DDX60L: variants seen among roughly 807,000 people sequenced by gnomAD.
DDX60L encodes DExD/H-box 60 like.
DDX60L carries 191 observed loss-of-function variants against 211.6 expected under a neutral mutation model. That is an observed-to-expected ratio of 0.90 (90% CI 0.80 to 1.02). The LOEUF (loss-of-function observed/expected upper bound fraction) is 1.02, where lower values mean the gene tolerates loss of function less well. DDX60L is among the 50% of genes least tolerant of loss of function. DDX60L has a pLI of 0.00. For missense variants in DDX60L, 2,007 were observed against 1,984.1 expected (o/e 1.01, Z -0.22); for synonymous variants, 706 against 694.1 (o/e 1.02, Z -0.27).
At position 168,454,098 on chromosome 4, in the gene DDX60L, C is replaced by T. The variant is rs552643775; in HGVS notation, c.838-816G>A. ...TGGGTGCTATTCACACTCCCACCCACGGCACATCTTCAGCATAACATAAAA... is the reference window on the plus strand; with the variant it reads ...TGGGTGCTATTCACACTCCCACCCATGGCACATCTTCAGCATAACATAAAA... On this transcript the variant is annotated intron_variant, in intron 7 of 37. Coordinates refer to ENST00000682922, the MANE Select transcript of DDX60L (RefSeq NM_001012967.3). Among the ~76,000 whole-genome samples the T allele has an allele frequency of 2.4e-4, 36 of 152,204 alleles. 1 individual carries two copies. The Middle Eastern group carries it at 0.017, about 72-fold the overall frequency.
At chr4:168,455,480 A>G (rs759061901) in intron 7 of DDX60L, among the ~76,000 whole-genome samples, 1 of 152,238 alleles carries the variant, frequency 6.6e-6, no homozygotes, top group Non-Finnish European at 1.5e-5. Flanking sequence ...GAGCAGAATC[A>G]TTACAAGCTG....
chr4:168,474,376 A>G (rs577686698), intron 1 of DDX60L, among the ~76,000 whole-genome samples: 1 of 152,312 alleles, frequency 6.6e-6, no homozygotes, highest in African/African-American at 2.4e-5. Context: ...CGTCAGATAT[A>G]ACATACTGAT....
intron 28 of DDX60L, among the ~76,000 whole-genome samples, chr4:168,392,420 TA>T (rs1175046671): frequency 6.6e-6 from 1 of 152,210 alleles, no homozygotes; most frequent in Non-Finnish European, 1.5e-5. Context: ...AAAGACTTTC[TA>T]ATTGATATTT....
intron 29 of DDX60L, among the ~76,000 whole-genome samples, chr4:168,385,641 GT>G (rs1743734765): frequency 6.6e-6 from 1 of 152,106 alleles, no homozygotes; most frequent in Admixed American, 6.5e-5. Context: ...CTTCAGGTAG[GT>G]AATGTGGAAT....
At position 168,388,882 on chromosome 4, in the gene DDX60L, A is replaced by G. The variant is rs557198011; in HGVS notation, c.3915+2658T>C. Among the ~76,000 whole-genome samples, 7 of 152,332 alleles carry G rather than the reference A, an allele frequency of 4.6e-5. No homozygotes were observed. The South Asian group carries it at 1.5e-3, about 32-fold the overall frequency. On this transcript the variant is annotated intron_variant, in intron 29 of 37. Transcript: ENST00000682922. Reference sequence around the variant, plus strand: ...TGCTGACATGGTGGTGAAGAGGCCCAGGAAAGGATACCAAGAGACTGTGAT... The same window carrying G: ...TGCTGACATGGTGGTGAAGAGGCCCGGGAAAGGATACCAAGAGACTGTGAT...
chr4:168,429,258 C>A (rs951566504), intron 13 of DDX60L, among the ~76,000 whole-genome samples: 1 of 152,144 alleles, frequency 6.6e-6, no homozygotes, highest in Non-Finnish European at 1.5e-5. Context: ...AATTGTCCTA[C>A]CTCAGCCTCC....
intron 36 of DDX60L, among the ~76,000 whole-genome samples, chr4:168,369,488 A>AAAAAAAC (rs1553987224): frequency 1.5e-3 from 216 of 147,012 alleles, no homozygotes; most frequent in Middle Eastern, 7.2e-3. Flanking sequence ...AAAAACAAAA[A>AAAAAAAC]AAAAAAAACA....
chr4:168,412,726 G>C (rs1416351135), intron 22 of DDX60L, among the ~76,000 whole-genome samples: 2 of 152,184 alleles, frequency 1.3e-5, no homozygotes, highest in Admixed American at 1.3e-4. Context: ...GCAATACCTA[G>C]TGCTGTGCTT....
intron 22 of DDX60L, 117 bp from the exon 23 acceptor site, chr4:168,406,823 T>A: frequency 1.4e-6 from 1 of 717,494 alleles, no homozygotes; most frequent in Non-Finnish European, 2.3e-6. Context: ...CCAGGGACAT[T>A]AAAAGGCAAT....
At position 168,396,136 on chromosome 4, in the gene DDX60L, A is replaced by AT; in HGVS notation, c.3492-13_3492-12insA. The stretch of plus-strand genomic sequence containing the variant: ...GGTTTTTTTTAGTGCTACTATTTAA[A>AT]AAAAAAAAAAAACTTTTAAGTAATG... On this transcript the variant is annotated splice_polypyrimidine_tract_variant and intron_variant, in intron 26 of 37. Transcript: ENST00000682922. The AT allele has an allele frequency of 7.2e-7, 1 of 1,391,108 alleles. No individual in the cohort carries two copies. Among genetic ancestry groups the AT allele is most frequent in the Non-Finnish European group, 9.6e-7 (1 of 1,037,936 alleles). The allele number at this position is 1,391,108 out of a possible 1,614,324, so 86.2% of individuals were successfully genotyped here.
At chr4:168,455,272 T>TTGTGTGTGTGTGTGTGTGTGTGTG (rs34353821) in intron 7 of DDX60L, among the ~76,000 whole-genome samples, 16 of 144,182 alleles carry the variant, frequency 1.1e-4, no homozygotes, top group African/African-American at 2.9e-4. Context: ...CATACAAACT[T>TTGTGTGTGTGTGTGTGTGTGTGTG]TGTGTGTGTG....
Position 168,357,499 on chromosome 4 carries a change from T to G in DDX60L, c.*648A>C, listed in dbSNP as rs1472987257. 2.6e-5 allele frequency: 4 copies of G among 152,388 alleles called. No homozygotes were observed. The highest frequency in any genetic ancestry group is 4.8e-5 in the African/African-American group (2 of 41,462). The allele number at this position is 152,388 out of a possible 1,614,324, so 9.4% of individuals were successfully genotyped here. A position where few individuals can be genotyped will look rare whatever the true frequency, so the allele number is the denominator to read the frequency against. On this transcript the variant is annotated 3_prime_UTR_variant, in exon 38 of 38. Transcript: ENST00000682922. ...GCCATCTTCCCATTGTATCATCCAG[T>G]GGTAGTGAGCAGAGATTGGAGAACA...
chr4:168,401,111 C>A (rs1020305275), intron 25 of DDX60L, 133 bp from the exon 26 acceptor site: 2 of 775,738 alleles, frequency 2.6e-6, no homozygotes, highest in Non-Finnish European at 4.0e-6. Flanking sequence ...AAAATTTAAA[C>A]TGAAAGACTG....
In DDX60L at chr4:168,415,654, TACCAA is replaced by T; in HGVS notation, c.2867_2869+2del. On this transcript the variant is annotated splice_donor_variant and coding_sequence_variant, in exon 21 of 38. Transcript: ENST00000682922. LOFTEE classifies it high-confidence loss of function. The stretch of plus-strand genomic sequence containing the variant: ...TAGTAAAACATAAAAAAAATAAGCT[TACCAA>T]GTCTAACTTCATATGATTGATTTTT... The T allele has an allele frequency of 1.3e-6, 2 of 1,560,522 alleles. No individual in the cohort carries two copies. The highest frequency in any genetic ancestry group is 3.7e-5 in the Admixed American group (2 of 53,710).
intron 36 of DDX60L, among the ~76,000 whole-genome samples, chr4:168,369,401 C>A (rs776089947): frequency 6.6e-6 from 1 of 151,640 alleles, no homozygotes; most frequent in African/African-American, 2.4e-5. Context: ...TCAAATAAAC[C>A]CCTTTCTTTT....
intron 9 of DDX60L, among the ~76,000 whole-genome samples, chr4:168,448,379 G>A (rs187659036): frequency 1.6e-4 from 25 of 152,026 alleles, no homozygotes; most frequent in South Asian, 2.1e-4. Flanking sequence ...TACAGCAAGC[G>A]TTATAAAATA....
At chr4:168,397,054 C>T (rs1487290277) in intron 26 of DDX60L, among the ~76,000 whole-genome samples, 1 of 152,126 alleles carries the variant, frequency 6.6e-6, no homozygotes, top group African/African-American at 2.4e-5. Context: ...AAAGAGGCTC[C>T]AGAGACATCC....
chr4:168,441,092 T>C (rs1203152130), intron 10 of DDX60L, among the ~76,000 whole-genome samples: 1 of 152,088 alleles, frequency 6.6e-6, no homozygotes, highest in Non-Finnish European at 1.5e-5. Flanking sequence ...AAATGGCCTC[T>C]CTCTTGATCC....
Position 168,433,129 on chromosome 4 carries a change from T to C in DDX60L, c.1295-14A>G, listed in dbSNP as rs769043277. 1.2e-5 allele frequency: 18 copies of C among 1,551,378 alleles called. No homozygotes were observed. In the East Asian group the frequency reaches 2.3e-4, roughly 20 times the overall value. ...CCAAGGAGATTTCTGAAAACAAATA[T>C]AAATTTAAGATGAGAGGAAAGGTGT... On this transcript the variant is annotated splice_polypyrimidine_tract_variant and intron_variant, in intron 10 of 37. Coordinates refer to ENST00000682922, the MANE Select transcript of DDX60L (RefSeq NM_001012967.3).
Sources: gnomAD v4.1 joint callset for allele counts (sites outside exome capture counted in the v4.1 genomes callset) on GRCh38, gnomAD v4.1.1 for gene constraint, MANE v1.5 for transcripts, NCBI Gene and HGNC (gene_info 2026-07-23, HGNC 2026-07-21) for gene names.